The following TENM3 variants were observed in gnomAD, a reference collection of about 807,000 sequenced individuals.
The protein encoded by TENM3 is teneurin transmembrane protein 3.
TENM3 carries 63 observed loss-of-function variants against 255.1 expected under a neutral mutation model. The observed-to-expected ratio is 0.25, with a 90% confidence interval of 0.20 to 0.30. The LOEUF is 0.30. Among genes scored for constraint, TENM3 ranks in the 10% least tolerant of loss-of-function variants. The pLI is 1.00. For missense variants in TENM3, 2,929 were observed against 3,461.1 expected (o/e 0.85, Z 3.86); for synonymous variants, 1,306 against 1,322.3 (o/e 0.99, Z 0.27).
the TENM3 span, among the ~76,000 whole-genome samples, chr4:181,875,322 A>G: frequency 6.6e-6 from 1 of 152,178 alleles, no homozygotes; most frequent in African/African-American, 2.4e-5. Flanking sequence ...AATTTGTTAG[A>G]GAATCCCATA....
At chr4:182,464,347 C>G (rs545736617) in intron 3 of TENM3, among the ~76,000 whole-genome samples, 1 of 152,140 alleles carries the variant, frequency 6.6e-6, no homozygotes, top group Non-Finnish European at 1.5e-5. Context: ...ACCTCCGCCT[C>G]CCGGGTTCAA....
chr4:182,099,953 G>A, the TENM3 span, among the ~76,000 whole-genome samples: 1 of 152,168 alleles, frequency 6.6e-6, no homozygotes, highest in Non-Finnish European at 1.5e-5. Flanking sequence ...GCAGGGCTCA[G>A]CACTTCTAAA....
At chr4:182,038,695 T>C in the TENM3 span, among the ~76,000 whole-genome samples, 1 of 152,220 alleles carries the variant, frequency 6.6e-6, no homozygotes, top group Non-Finnish European at 1.5e-5. Flanking sequence ...TATAGACTTC[T>C]TGAATAGCTG....
the TENM3 span, among the ~76,000 whole-genome samples, chr4:181,961,621 G>A: frequency 7.2e-5 from 11 of 152,154 alleles, no homozygotes; most frequent in South Asian, 4.2e-4. Context: ...GGCTTTCACC[G>A]TGTTAGCCAA....
chr4:181,553,409 C>A, the TENM3 span, among the ~76,000 whole-genome samples: 8 of 151,680 alleles, frequency 5.3e-5, no homozygotes, highest in Non-Finnish European at 8.8e-5. Context: ...TGGGCCTTGG[C>A]AATTCAATGG....
the TENM3 span, among the ~76,000 whole-genome samples, chr4:181,503,549 G>A: frequency 8.5e-5 from 13 of 152,154 alleles, no homozygotes; most frequent in Non-Finnish European, 1.9e-4. Flanking sequence ...AGCAAGTTAT[G>A]TGGGAAGTTT....
At chr4:181,563,053 A>G in the TENM3 span, among the ~76,000 whole-genome samples, 1 of 152,224 alleles carries the variant, frequency 6.6e-6, no homozygotes, top group Non-Finnish European at 1.5e-5. Context: ...TATGACCGCA[A>G]CTAGCTGCAA....
chr4:182,543,027 C>G (rs983296564), intron 3 of TENM3, among the ~76,000 whole-genome samples: 1 of 152,158 alleles, frequency 6.6e-6, no homozygotes, highest in African/African-American at 2.4e-5. Context: ...GAAGCTATAG[C>G]AAATGTTGGT....
chr4:182,307,846 A>T lies in TENM3; in HGVS notation c.-75-16100A>T, dbSNP rs1249920520. On this transcript the variant is annotated intron_variant, in intron 1 of 27. Coordinates refer to ENST00000511685, the MANE Select transcript of TENM3 (RefSeq NM_001080477.4). The stretch of plus-strand genomic sequence containing the variant: ...AACAGTTGTCTAGAATACATCACCA[A>T]GGTATGAAATACAGTGGCAAAAGTC... Among the ~76,000 whole-genome samples, 4 of 152,208 alleles carry T rather than the reference A, an allele frequency of 2.6e-5. No individual in the cohort carries two copies. In the East Asian group the frequency reaches 7.7e-4, roughly 29 times the overall value.
At chr4:182,501,886 C>T (rs1283323073) in intron 3 of TENM3, among the ~76,000 whole-genome samples, 1 of 152,040 alleles carries the variant, frequency 6.6e-6, no homozygotes, top group African/African-American at 2.4e-5. Context: ...TCTTCTTTTA[C>T]TTGAGCATGT....
At chr4:182,752,073 T>TAAAAA in intron 20 of TENM3, 41 bp downstream of exon 20, 52 of 919,848 alleles carry the variant, frequency 5.7e-5, no homozygotes, top group South Asian at 1.9e-4. Flanking sequence ...TTTTATTTAT[T>TAAAAA]AAAAAAAAAA....
At chr4:182,247,310 C>T (rs1238095008) in intron 1 of TENM3, among the ~76,000 whole-genome samples, 2 of 151,986 alleles carry the variant, frequency 1.3e-5, no homozygotes, top group Non-Finnish European at 2.9e-5. Flanking sequence ...GGTTGTCTTA[C>T]GAAGAGAAGA....
chr4:181,686,370 ATTG>A, the TENM3 span, among the ~76,000 whole-genome samples: 1 of 152,168 alleles, frequency 6.6e-6, no homozygotes, highest in Non-Finnish European at 1.5e-5. Flanking sequence ...GTGCCACTTA[ATTG>A]TTGTTGAATC....
chr4:181,671,746 T>C, the TENM3 span, among the ~76,000 whole-genome samples: 1 of 126,888 alleles, frequency 7.9e-6, no homozygotes, highest in Non-Finnish European at 1.5e-5. Context: ...CAAACTTTAC[T>C]TTTTTTTTTT....
chr4:182,122,705 G>C, the TENM3 span, among the ~76,000 whole-genome samples: 1 of 152,146 alleles, frequency 6.6e-6, no homozygotes, highest in South Asian at 2.1e-4. Context: ...AGGAATTTTG[G>C]AATGATAAAT....
At chr4:181,542,053 A>T in the TENM3 span, among the ~76,000 whole-genome samples, 1 of 152,196 alleles carries the variant, frequency 6.6e-6, no homozygotes. Context: ...AAGTCTTATG[A>T]ACCCCTCCCT....
At chr4:182,412,323 G>A (rs1477473942) in intron 3 of TENM3, among the ~76,000 whole-genome samples, 6 of 152,120 alleles carry the variant, frequency 3.9e-5, no homozygotes, top group African/African-American at 1.4e-4. Context: ...AAGGGGTTAG[G>A]TGAATGAAGG....
chr4:182,785,465 TG>T (rs946803657), intron 24 of TENM3, among the ~76,000 whole-genome samples: 3 of 151,384 alleles, frequency 2.0e-5, no homozygotes, highest in African/African-American at 7.3e-5. Context: ...CCCAGCACTT[TG>T]GGAGGCTGAG....
chr4:181,451,180 C>T, the TENM3 span, among the ~76,000 whole-genome samples: 25,789 of 151,972 alleles, frequency 0.17, 2,396 homozygotes, highest in African/African-American at 0.22. Context: ...GAATTAGCAA[C>T]GTAAGGAGGA....
Sources: gnomAD v4.1 joint callset for allele counts (sites outside exome capture counted in the v4.1 genomes callset) on GRCh38, gnomAD v4.1.1 for gene constraint, MANE v1.5 for transcripts, NCBI Gene and HGNC (gene_info 2026-07-23, HGNC 2026-07-21) for gene names.